ROBO2: variants seen among roughly 807,000 people sequenced by gnomAD.
ROBO2 encodes roundabout guidance receptor 2, also known as roundabout homolog 2.
A neutral mutation model predicts 160.8 loss-of-function variants in ROBO2; 53 were observed. The observed-to-expected ratio is 0.33, with a 90% CI of 0.26 to 0.41. The LOEUF (loss-of-function observed/expected upper bound fraction) is 0.41. Ranked by LOEUF, ROBO2 falls within the 10% of genes least tolerant of loss-of-function variation. ROBO2 has a pLI of 1.00. For synonymous variants in ROBO2, 664 were observed against 611.7 expected (o/e 1.09, Z -1.26); for missense variants, 1,577 against 1,722.4 (o/e 0.92, Z 1.49).
At chr3:77,157,520 G>A (rs2078124067) in intron 2 of ROBO2, among the ~76,000 whole-genome samples, 1 of 152,062 alleles carries the variant, frequency 6.6e-6, no homozygotes, top group Non-Finnish European at 1.5e-5. Context: ...GAGTGGAGCA[G>A]TTCTTTACAC....
chr3:77,181,972 C>T (rs2080833567), intron 2 of ROBO2, among the ~76,000 whole-genome samples: 1 of 152,016 alleles, frequency 6.6e-6, no homozygotes, highest in African/African-American at 2.4e-5. Flanking sequence ...TCACGTTTCA[C>T]AAAATCAGTA....
At chr3:76,624,573 C>T (rs575103876) in intron 2 of ROBO2, among the ~76,000 whole-genome samples, 1 of 151,702 alleles carries the variant, frequency 6.6e-6, no homozygotes, top group Non-Finnish European at 1.5e-5. Context: ...CCGAGGCGGG[C>T]GGATCGCCTG....
intron 2 of ROBO2, among the ~76,000 whole-genome samples, chr3:76,406,966 C>G (rs1414230806): frequency 6.6e-6 from 1 of 150,990 alleles, no homozygotes; most frequent in Non-Finnish European, 1.5e-5. Context: ...CCTACAAAAC[C>G]CCACATAAAC....
chr3:77,607,011 T>C (rs906647504), intron 20 of ROBO2, among the ~76,000 whole-genome samples: 1 of 152,200 alleles, frequency 6.6e-6, no homozygotes, highest in Non-Finnish European at 1.5e-5. Flanking sequence ...GTCCAAATGA[T>C]AAATTGTATT....
intron 2 of ROBO2, among the ~76,000 whole-genome samples, chr3:76,065,121 C>A (rs74647558): frequency 1.3e-5 from 2 of 151,870 alleles, no homozygotes; most frequent in Non-Finnish European, 2.9e-5. Context: ...TTGTAAGAAA[C>A]GAAAAATTTG....
At chr3:75,932,223 A>T (rs1367619133) in intron 1 of ROBO2, among the ~76,000 whole-genome samples, 2 of 152,142 alleles carry the variant, frequency 1.3e-5, no homozygotes, top group African/African-American at 2.4e-5. Context: ...GGGCTCTCAA[A>T]CTATTGGAAG....
intron 2 of ROBO2, among the ~76,000 whole-genome samples, chr3:76,173,496 A>G (rs1451215332): frequency 6.6e-6 from 1 of 151,808 alleles, no homozygotes; most frequent in African/African-American, 2.4e-5. Context: ...TATTTATCCT[A>G]ATGCTCTCCC....
intron 2 of ROBO2, among the ~76,000 whole-genome samples, chr3:76,428,537 G>C (rs2076309859): frequency 6.6e-6 from 1 of 152,040 alleles, no homozygotes; most frequent in East Asian, 1.9e-4. Flanking sequence ...TTAGAGTCAT[G>C]ATACTATGAA....
At chr3:75,948,230 ACTT>A (rs1948393246) in intron 2 of ROBO2, among the ~76,000 whole-genome samples, 1 of 151,948 alleles carries the variant, frequency 6.6e-6, no homozygotes, top group Admixed American at 6.6e-5. Flanking sequence ...AAAATAAGGA[ACTT>A]CTACATTTTT....
At chr3:76,515,584 G>A (rs918434092) in intron 2 of ROBO2, among the ~76,000 whole-genome samples, 2 of 151,004 alleles carry the variant, frequency 1.3e-5, no homozygotes, top group Non-Finnish European at 1.5e-5. Flanking sequence ...GCTCTCTATT[G>A]TGTACATTTG....
At chr3:76,587,947 G>A (rs2086161066) in intron 2 of ROBO2, among the ~76,000 whole-genome samples, 1 of 152,030 alleles carries the variant, frequency 6.6e-6, no homozygotes, top group Admixed American at 6.5e-5. Context: ...TCATTTTTTA[G>A]CTAGCTTTGT....
intron 2 of ROBO2, among the ~76,000 whole-genome samples, chr3:76,249,607 A>C (rs2107547149): frequency 6.6e-6 from 1 of 152,274 alleles, no homozygotes; most frequent in South Asian, 2.1e-4. Context: ...TTCAATGATT[A>C]GTGCTTTTAG....
chr3:76,806,507 G>A (rs1437366989), intron 2 of ROBO2, among the ~76,000 whole-genome samples: 1 of 151,420 alleles, frequency 6.6e-6, no homozygotes, highest in Non-Finnish European at 1.5e-5. Flanking sequence ...TTCAATAAGT[G>A]TTTGCCAAAA....
At chr3:77,582,974 T>C (rs2005375) in intron 16 of ROBO2, among the ~76,000 whole-genome samples, 14,967 of 151,478 alleles carry the variant, frequency 0.099, 951 homozygotes, top group Middle Eastern at 0.17. Flanking sequence ...ACCCCATCTC[T>C]AGTAAAATAC....
chr3:76,940,469 A>G (rs2078108835), intron 2 of ROBO2, among the ~76,000 whole-genome samples: 2 of 152,222 alleles, frequency 1.3e-5, no homozygotes, highest in South Asian at 4.1e-4. Flanking sequence ...CAAAAAATCC[A>G]TTTATCTGCC....
At chr3:76,695,843 T>C (rs1216004531) in intron 2 of ROBO2, among the ~76,000 whole-genome samples, 2 of 152,166 alleles carry the variant, frequency 1.3e-5, no homozygotes, top group Admixed American at 6.5e-5. Flanking sequence ...TCCTTCCATA[T>C]ACCTAATCAC....
At chr3:76,344,776 A>T (rs2074428202) in intron 2 of ROBO2, among the ~76,000 whole-genome samples, 1 of 152,200 alleles carries the variant, frequency 6.6e-6, no homozygotes, top group South Asian at 2.1e-4. Flanking sequence ...ATGTGCTGAG[A>T]GAAAAACCAG....
At chr3:77,366,895 C>CCCCT (rs1553924947) in intron 2 of ROBO2, among the ~76,000 whole-genome samples, 3 of 116,584 alleles carry the variant, frequency 2.6e-5, no homozygotes, top group South Asian at 2.7e-4. Flanking sequence ...CTCACAGCAC[C>CCCCT]CCCCCGACAC....
chr3:77,206,383 TG>T (rs2083449548), intron 2 of ROBO2, among the ~76,000 whole-genome samples: 1 of 152,096 alleles, frequency 6.6e-6, no homozygotes, highest in South Asian at 2.1e-4. Flanking sequence ...CTGGCCAGGC[TG>T]GTCTCGAATT....
Sources: allele counts gnomAD v4.1 joint callset (sites outside exome capture counted in the v4.1 genomes callset), GRCh38; gene constraint gnomAD v4.1.1; transcripts MANE v1.5; gene names NCBI Gene and HGNC (gene_info 2026-07-23, HGNC 2026-07-21).